Variants in SLC39A10 observed in about 807,000 individuals in gnomAD.
SLC39A10 encodes zinc transporter ZIP10.
Under a neutral mutation model 65.1 loss-of-function variants are expected in SLC39A10, and 13 were observed. That is an observed-to-expected ratio of 0.20 (90% CI 0.13 to 0.32). The LOEUF (loss-of-function observed/expected upper bound fraction) is 0.32, where lower values mean the gene tolerates loss of function less well. Ranked by LOEUF, SLC39A10 falls within the 10% of genes least tolerant of loss-of-function variation. The pLI, the probability that SLC39A10 is intolerant of heterozygous loss-of-function variation, is 1.00. For synonymous variants in SLC39A10, 321 were observed against 342.2 expected (o/e 0.94, Z 0.68); for missense variants, 831 against 1,018.4 (o/e 0.82, Z 2.50).
intron 2 of SLC39A10, among the ~76,000 whole-genome samples, chr2:195,641,685 C>CTTTTTT (rs757617526): frequency 3.9e-5 from 5 of 128,112 alleles, no homozygotes; most frequent in Non-Finnish European, 6.6e-5. Context: ...TAGTATAGTT[C>CTTTTTT]TTTTTTTTTT....
Position 195,737,345 on chromosome 2 carries a change from T to C in SLC39A10, c.*2304T>C, listed in dbSNP as rs953416166. 6.5e-6 allele frequency: 1 copy of C among 153,044 alleles called. No homozygotes were observed. The highest frequency in any genetic ancestry group is 1.9e-4 in the East Asian group (1 of 5,158). 9.5% of individuals were successfully genotyped at this position (153,044 alleles called of 1,614,324 possible). A position where few individuals can be genotyped will look rare whatever the true frequency, so the allele number is the denominator to read the frequency against. On this transcript the variant is annotated 3_prime_UTR_variant, in exon 10 of 10. Transcript: ENST00000359634. ...TGTACAATGCTGTCACTGTGTGACA[T>C]CCATATGAATTTTGGTATATATCAA...
At chr2:195,684,258 T>G (rs1047114960) in intron 3 of SLC39A10, among the ~76,000 whole-genome samples, 4 of 152,110 alleles carry the variant, frequency 2.6e-5, no homozygotes, top group African/African-American at 9.6e-5. Context: ...ACTTAACATT[T>G]ATCAGGGTGC....
At chr2:195,649,187 C>T (rs1353840311) in intron 2 of SLC39A10, among the ~76,000 whole-genome samples, 1 of 151,996 alleles carries the variant, frequency 6.6e-6, no homozygotes, top group Non-Finnish European at 1.5e-5. Context: ...AAGATATGTG[C>T]TGGAAAGAAG....
intron 2 of SLC39A10, among the ~76,000 whole-genome samples, chr2:195,651,321 G>A (rs1295975666): frequency 6.6e-6 from 1 of 152,156 alleles, no homozygotes; most frequent in African/African-American, 2.4e-5. Flanking sequence ...TCGAATAATG[G>A]AAATAATTTG....
At chr2:195,621,259 G>C (rs146819493) in intron 2 of SLC39A10, among the ~76,000 whole-genome samples, 2 of 152,150 alleles carry the variant, frequency 1.3e-5, no homozygotes, top group Admixed American at 1.3e-4. Context: ...CATTATTTAG[G>C]TTGTTTATGT....
chr2:195,684,799 T>A (rs540055217), intron 3 of SLC39A10, among the ~76,000 whole-genome samples: 2 of 152,270 alleles, frequency 1.3e-5, no homozygotes, highest in South Asian at 4.1e-4. Context: ...TTGCAAGACA[T>A]TCTTAGCACT....
At chr2:195,657,466 G>A (rs1458879759) in intron 1 of SLC39A10, 185 bp downstream of exon 1, 80 of 985,786 alleles carry the variant, frequency 8.1e-5, no homozygotes, top group Non-Finnish European at 9.6e-5. Context: ...GCGGCGGCCA[G>A]CCGAAGCAGA....
chr2:195,676,214 C>T (rs1216466731), intron 1 of SLC39A10, among the ~76,000 whole-genome samples: 2 of 151,870 alleles, frequency 1.3e-5, no homozygotes, highest in Admixed American at 1.3e-4. Context: ...CAGAGTCTTG[C>T]TGTGTCTCCC....
intron 1 of SLC39A10, 110 bp downstream of exon 1, chr2:195,657,391 C>T (rs1689186921): frequency 2.0e-6 from 2 of 985,524 alleles, no homozygotes; most frequent in Non-Finnish European, 2.4e-6. Context: ...GAGAACAGAA[C>T]CGGGGAGTCG....
chr2:195,666,212 CTG>C (rs1298604228), intron 1 of SLC39A10, among the ~76,000 whole-genome samples: 1 of 152,094 alleles, frequency 6.6e-6, no homozygotes, highest in African/African-American at 2.4e-5. Flanking sequence ...TAAGTAGCCT[CTG>C]TGTTGTCTGA....
intron 1 of SLC39A10, chr2:195,674,576 C>A (rs948821515): frequency 1.0e-6 from 1 of 985,258 alleles, no homozygotes; most frequent in African/African-American, 1.7e-5. Context: ...TGCACCCGGC[C>A]TGCTTTTCTT....
At chr2:195,719,616 C>CTT (rs572735239) in intron 8 of SLC39A10, among the ~76,000 whole-genome samples, 1 of 140,978 alleles carries the variant, frequency 7.1e-6, no homozygotes, top group African/African-American at 2.6e-5. Flanking sequence ...CATTAACTTT[C>CTT]TTTTTTTTTT....
At chr2:195,712,226 T>C (rs968902196) in intron 5 of SLC39A10, among the ~76,000 whole-genome samples, 5 of 152,260 alleles carry the variant, frequency 3.3e-5, no homozygotes, top group African/African-American at 1.2e-4. Context: ...CTGGCTTTCC[T>C]GAGCAAAAGC....
intron 2 of SLC39A10, among the ~76,000 whole-genome samples, chr2:195,631,198 A>G (rs568499920): frequency 1.3e-5 from 2 of 151,978 alleles, no homozygotes; most frequent in South Asian, 4.2e-4. Context: ...ATATATCTAT[A>G]TATCTATATA....
At chr2:195,717,283 T>G (rs1382390524) in intron 7 of SLC39A10, 1 of 311,334 alleles carries the variant, frequency 3.2e-6, no homozygotes, top group Non-Finnish European at 5.8e-6. Context: ...TGCTTAACAT[T>G]ATATTTTCAA....
intron 8 of SLC39A10, among the ~76,000 whole-genome samples, chr2:195,721,265 ACTT>A (rs536160370): frequency 2.6e-5 from 4 of 152,056 alleles, no homozygotes; most frequent in Admixed American, 6.6e-5. Context: ...AATGACCTTC[ACTT>A]CTTCTCTCTA....
chr2:195,651,026 G>A (rs948207135), intron 2 of SLC39A10, among the ~76,000 whole-genome samples: 1 of 151,472 alleles, frequency 6.6e-6, no homozygotes, highest in Admixed American at 6.6e-5. Flanking sequence ...AGCTGTGATT[G>A]CACCACTGCA....
chr2:195,686,439 A>G (rs868040624), intron 3 of SLC39A10, among the ~76,000 whole-genome samples: 14 of 152,124 alleles, frequency 9.2e-5, no homozygotes, highest in Admixed American at 9.2e-4. Flanking sequence ...AGTCCCAGCT[A>G]CTCGGGAGGC....
In SLC39A10 at chr2:195,681,391, TGGCG is replaced by T. The variant is rs1321780528; in HGVS notation, c.1008+346_1008+349del. On this transcript the variant is annotated intron_variant, in intron 2 of 9. Transcript: ENST00000359634. ...AATACAAAAAATTAGCGGGGCATGG[TGGCG>T]GGCGCCTGTAGCCCCAGCTACTCGG... 2.0e-5 allele frequency among the ~76,000 whole-genome samples: 3 copies of T among 152,004 alleles called. No homozygotes were observed. In the South Asian group the frequency reaches 6.2e-4, roughly 32 times the overall value.
Sources: gnomAD v4.1 joint callset for allele counts (sites outside exome capture counted in the v4.1 genomes callset) on GRCh38, gnomAD v4.1.1 for gene constraint, MANE v1.5 for transcripts, NCBI Gene and HGNC (gene_info 2026-07-23, HGNC 2026-07-21) for gene names.